PTPRS: variants seen among roughly 807,000 people sequenced by gnomAD.
PTPRS encodes the protein protein tyrosine phosphatase receptor type S, also known as receptor-type tyrosine-protein phosphatase S.
In PTPRS, 63 loss-of-function variants were observed where a neutral mutation model predicts 215.3. The ratio of observed to expected loss-of-function variants is 0.29; its 90% confidence interval spans 0.24 to 0.36. The LOEUF (loss-of-function observed/expected upper bound fraction) is 0.36, where lower values mean the gene tolerates loss of function less well. Among genes scored for constraint, PTPRS ranks in the 10% least tolerant of loss-of-function variants. The probability of loss-of-function intolerance (pLI) is 1.00; values close to 1 mark genes in which losing one functional copy is unlikely to be tolerated. For synonymous variants in PTPRS, 1,404 were observed against 1,191.4 expected (o/e 1.18, Z -3.68); for missense variants, 2,258 against 2,825.8 (o/e 0.80, Z 4.56).
At chr19:5,263,089 GAAT>G (rs1233227615) in intron 5 of PTPRS, 117 bp from the exon 6 acceptor site, 3 of 762,238 alleles carry the variant, frequency 3.9e-6, no homozygotes, top group East Asian at 2.8e-5. Flanking sequence ...GGGACGCTCA[GAAT>G]AATAATAACA....
intron 12 of PTPRS, 66 bp from the exon 13 acceptor site, chr19:5,239,129 G>T: frequency 3.4e-6 from 4 of 1,174,696 alleles, no homozygotes; most frequent in Non-Finnish European, 3.6e-6. Context: ...GAAACAAAGG[G>T]GAGAGAGAGA....
chr19:5,215,618 C>A, intron 26 of PTPRS, 23 bp from the exon 27 acceptor site: 1 of 1,558,300 alleles, frequency 6.4e-7, no homozygotes, highest in Non-Finnish European at 8.7e-7. Context: ...GCAGACCCCG[C>A]CGGGGTTGGT....
At chr19:5,212,519 A>T in intron 30 of PTPRS, 28 bp from the exon 31 acceptor site, 1 of 1,554,936 alleles carries the variant, frequency 6.4e-7, no homozygotes, top group African/African-American at 1.4e-5. Context: ...GTCACCTGTC[A>T]CTCCGGCTCA....
rs917081940 is a variant in PTPRS at position 5,248,035 on chromosome 19, T to TG, written c.719-1991dup. ...AGGTGAGGGGCGAGGTGCCGTGAGA[T>TG]GGGGGGGGCGGGTGGCTTTCTGGTA... is the stretch of plus-strand genomic sequence containing the variant. On this transcript the variant is annotated intron_variant, in intron 9 of 37. Transcript: ENST00000262963. 0.014 allele frequency among the ~76,000 whole-genome samples: 287 copies of TG among 21,246 alleles called. 2 individuals carry two copies. The East Asian group carries it at 0.15, about 11-fold the overall frequency. The allele number at this position is 21,246 out of a possible 152,430, so 13.9% of individuals were successfully genotyped here.
intron 2 of PTPRS, among the ~76,000 whole-genome samples, chr19:5,284,953 G>GA (rs1423756966): frequency 6.6e-6 from 1 of 150,804 alleles, no homozygotes; most frequent in East Asian, 2.0e-4. Context: ...ATCTCAAAAG[G>GA]AAAAAACGAC....
intron 1 of PTPRS, among the ~76,000 whole-genome samples, chr19:5,327,616 T>C (rs2050204777): frequency 6.6e-6 from 1 of 152,038 alleles, no homozygotes; most frequent in African/African-American, 2.4e-5. Context: ...GTTCTTTTTG[T>C]TTTTAGAGAC....
rs1242186370 is a variant in PTPRS, at chr19:5,216,706, AC to A, written c.4096+13del. ...GGGGGCGAAAGGAAGCCAAAAACAG[AC>A]ACAAGAACTAACTTTCAAAGTGAAA... On this transcript the variant is annotated intron_variant, in intron 26 of 37. Coordinates refer to ENST00000262963, the MANE Select transcript of PTPRS (RefSeq NM_002850.4). The A allele has an allele frequency of 6.4e-7, 1 of 1,550,728 alleles. No individual in the cohort carries two copies.
At chr19:5,262,352 T>C (rs1216212508) in intron 6 of PTPRS, among the ~76,000 whole-genome samples, 1 of 152,180 alleles carries the variant, frequency 6.6e-6, no homozygotes. Flanking sequence ...CCCTTAGCCA[T>C]TAAAAGGTGT....
chr19:5,209,823 C>T (rs779165982), intron 35 of PTPRS, among the ~76,000 whole-genome samples: 8 of 152,278 alleles, frequency 5.3e-5, no homozygotes, highest in South Asian at 2.1e-4. Flanking sequence ...GCACAATGCC[C>T]GGTGATTGCT....
At position 5,210,003 on chromosome 19, in the gene PTPRS, T is replaced by C. The variant is rs2040718766; in HGVS notation, c.5487+466A>G. On this transcript the variant is annotated intron_variant, in intron 35 of 37. Transcript: ENST00000262963. This position sits in a 1 kb window ranked among gnomAD's most constrained non-coding sequence, Gnocchi z 4.5. ...CTATGAGTCTTCATCTGTTGCCACC[T>C]AATACCTGGCCTTTCTCCCTCCACC... 6.6e-6 allele frequency among the ~76,000 whole-genome samples: 1 copy of C among 152,204 alleles called. No individual in the cohort carries two copies. Among genetic ancestry groups the C allele is most frequent in the Admixed American group, 6.5e-5 (1 of 15,286 alleles).
chr19:5,234,586 A>T (rs775019806), intron 13 of PTPRS, among the ~76,000 whole-genome samples: 3 of 152,228 alleles, frequency 2.0e-5, no homozygotes, highest in Admixed American at 6.5e-5. Flanking sequence ...GAAAAACAGC[A>T]GTTGTCATTT....
At chr19:5,225,471 G>A (rs886308131) in intron 17 of PTPRS, among the ~76,000 whole-genome samples, 2 of 151,990 alleles carry the variant, frequency 1.3e-5, no homozygotes, top group Admixed American at 1.3e-4. Flanking sequence ...AGGGGTCAGA[G>A]GTGGCTGTTA....
intron 4 of PTPRS, among the ~76,000 whole-genome samples, chr19:5,268,797 T>C (rs2046652323): frequency 6.6e-6 from 1 of 152,208 alleles, no homozygotes; most frequent in African/African-American, 2.4e-5. Flanking sequence ...ACAGCCAGCA[T>C]GTAGCAAGGA....
At chr19:5,223,410 G>GC (rs913383528) in intron 17 of PTPRS, 113 bp from the exon 18 acceptor site, 24 of 1,146,008 alleles carry the variant, frequency 2.1e-5, no homozygotes, top group Non-Finnish European at 2.4e-5. Context: ...TTTTTGAGTT[G>GC]GGGGGGGTCT....
chr19:5,258,693 G>A (rs913504378), intron 7 of PTPRS, among the ~76,000 whole-genome samples: 2 of 152,138 alleles, frequency 1.3e-5, no homozygotes, highest in East Asian at 1.9e-4. Context: ...AAATGGAGAC[G>A]GGGTTGTACT....
At chr19:5,305,724 G>A (rs1208884147) in intron 1 of PTPRS, among the ~76,000 whole-genome samples, 2 of 134,594 alleles carry the variant, frequency 1.5e-5, no homozygotes, top group African/African-American at 2.7e-5. Flanking sequence ...GGGAGACCCC[G>A]TCTCTGAAAA....
At chr19:5,298,198 T>C (rs1164329477) in intron 1 of PTPRS, among the ~76,000 whole-genome samples, 4 of 152,194 alleles carry the variant, frequency 2.6e-5, no homozygotes, top group Non-Finnish European at 4.4e-5. Context: ...CAGAATTTAA[T>C]CAATTCCCAC....
chr19:5,220,235 T>A, intron 21 of PTPRS, 25 bp downstream of exon 21: 1 of 1,610,864 alleles, frequency 6.2e-7, no homozygotes, highest in Non-Finnish European at 8.5e-7. Flanking sequence ...ATCTGGGCCC[T>A]GCGGGTTGGG....
At chr19:5,220,917 A>C in intron 20 of PTPRS, 83 bp downstream of exon 20, 1 of 1,479,908 alleles carries the variant, frequency 6.8e-7, no homozygotes, top group East Asian at 2.3e-5. Flanking sequence ...AAATTGAGGC[A>C]CAGAGAGGGC....
Sources: gnomAD v4.1 joint callset for allele counts (sites outside exome capture counted in the v4.1 genomes callset) on GRCh38, gnomAD v4.1.1 for gene constraint, Gnocchi (gnomAD v3.1) non-coding constraint, MANE v1.5 for transcripts, NCBI Gene and HGNC (gene_info 2026-07-23, HGNC 2026-07-21) for gene names.